USF3: variants seen among roughly 807,000 people sequenced by gnomAD.
USF3 encodes basic helix-loop-helix domain-containing protein USF3.
In USF3, 29 loss-of-function variants were observed where a neutral mutation model predicts 157.5. The ratio of observed to expected loss-of-function variants is 0.18; its 90% CI spans 0.14 to 0.25. The LOEUF is 0.25. Ranked by LOEUF, USF3 falls within the 10% of genes least tolerant of loss-of-function variation. The probability of loss-of-function intolerance (pLI) is 1.00; values close to 1 mark genes in which losing one functional copy is unlikely to be tolerated. For missense variants in USF3, 2,381 were observed against 2,667.6 expected, an observed-to-expected ratio of 0.89 and a Z score of 2.37; for synonymous variants, 893 against 941.4, an observed-to-expected ratio of 0.95 and a Z score of 0.94.
intron 1 of USF3, among the ~76,000 whole-genome samples, chr3:113,693,499 C>G (rs1707733326): frequency 2.0e-5 from 3 of 152,120 alleles, no homozygotes; most frequent in Non-Finnish European, 4.4e-5. Context: ...GAATTCAATG[C>G]TAGTTAAGGT....
rs748718324 is a variant in USF3 at position 113,660,925 on chromosome 3, T to C, written c.757A>G (p.Ser253Gly). Residue 253 changes from serine (S) to glycine (G), a missense_variant, in exon 7 of 7, where the codon AGT becomes GGT. By Grantham distance (56) the Ser-to-Gly change is moderately conservative. This residue lies in a region of USF3 where 1,435 missense variants were observed against 1,550.9 expected (regional missense o/e 0.93). Coordinates refer to ENST00000316407, the MANE Select transcript of USF3 (RefSeq NM_001009899.4). ...ATTGAAACAGCAATCAGTGAGCCAC[T>C]AGTGGCACCAAGCACATTTGATTCG... is the stretch of plus-strand genomic sequence containing the variant. ...ESESNVLGAT[S>G]GSLIAVSIES... The C allele has an allele frequency of 1.0e-4, 168 of 1,614,206 alleles. No homozygotes were observed. In the Admixed American group the frequency reaches 1.1e-3, roughly 10 times the overall value.
rs1361186790 is a variant in USF3, at chr3:113,660,080, C to G, written c.1602G>C (p.Gln534His). 1 of 1,614,190 alleles carries G rather than the reference C, an allele frequency of 6.2e-7. No individual in the cohort carries two copies. ...LPLNSAMQVIQMAQPVGSAVN... is the reference protein window; with the variant it reads ...LPLNSAMQVIHMAQPVGSAVN... The stretch of plus-strand genomic sequence containing the variant: ...CAGCTGACCCAACTGGCTGAGCCAT[C>G]TGAATCACTTGCATTGCTGAATTCA... The change falls in exon 7 of 7, where the codon CAG (glutamine) becomes CAC (histidine). Residue 534 changes from glutamine to histidine, a missense_variant. By Grantham distance (24) the Gln-to-His change is conservative. This residue lies in a region of USF3 where 1,435 missense variants were observed against 1,550.9 expected (regional missense o/e 0.93). Coordinates refer to ENST00000316407, the MANE Select transcript of USF3 (RefSeq NM_001009899.4).
chr3:113,671,953 T>C (rs1707161989), intron 4 of USF3, among the ~76,000 whole-genome samples: 2 of 151,608 alleles, frequency 1.3e-5, no homozygotes, highest in Admixed American at 1.3e-4. Context: ...TTATTACTTG[T>C]AGAGGCGGGG....
intron 5 of USF3, among the ~76,000 whole-genome samples, chr3:113,666,808 G>A (rs1405996877): frequency 2.6e-5 from 4 of 150,990 alleles, no homozygotes; most frequent in Admixed American, 6.6e-5. Context: ...CAGGATGGTC[G>A]TGATCTCCTG....
rs777016546 is a variant in USF3 at position 113,664,294 on chromosome 3, AG to A, written c.256+18del. ...ACATTTTAAAATACAACAAAAAGTA[AG>A]AACTTTTAAATCTTTACCTTGTTCA... On this transcript the variant is annotated intron_variant, in intron 6 of 6. Coordinates refer to ENST00000316407, the MANE Select transcript of USF3 (RefSeq NM_001009899.4). 1 of 1,440,306 alleles carries A rather than the reference AG, an allele frequency of 6.9e-7. No homozygotes were observed. The highest frequency in any genetic ancestry group is 1.2e-5 in the South Asian group (1 of 82,054). 89.2% of individuals were successfully genotyped at this position (1,440,306 alleles called of 1,614,324 possible). A position where few individuals can be genotyped will look rare whatever the true frequency, so the allele number is the denominator to read the frequency against.
intron 1 of USF3, among the ~76,000 whole-genome samples, chr3:113,690,681 T>A (rs972993821): frequency 2.0e-5 from 3 of 152,190 alleles, no homozygotes; most frequent in Non-Finnish European, 4.4e-5. Context: ...TCCACTTTGC[T>A]CTGTTTATCC....
chr3:113,688,053 T>G (rs2107961200), intron 1 of USF3, among the ~76,000 whole-genome samples: 1 of 152,316 alleles, frequency 6.6e-6, no homozygotes, highest in East Asian at 1.9e-4. Context: ...CATGATCACC[T>G]ACCAGTAATG....
chr3:113,666,426 T>C (rs1377565178), intron 5 of USF3, among the ~76,000 whole-genome samples: 7 of 150,342 alleles, frequency 4.7e-5, no homozygotes, highest in Admixed American at 4.6e-4. Flanking sequence ...TAATTTTTTT[T>C]TTTTTTGGTA....
At position 113,658,055 on chromosome 3, in the gene USF3, G is replaced by A. The variant is rs775540128; in HGVS notation, c.3627C>T (p.Pro1209=). 6.2e-6 allele frequency: 10 copies of A among 1,614,068 alleles called. No individual in the cohort carries two copies. In the South Asian group the frequency reaches 8.8e-5, roughly 14 times the overall value. ...CTAGAGAACAACTTGGTTTCTCAAG[G>A]GGCCTCTCCATAGTTGCTTCAATTG... is the stretch of plus-strand genomic sequence containing the variant. The part of the protein sequence containing the change: ...QGSIEATMER[P]LEKPSCSLGI... Residue 1209 remains proline (P), a synonymous_variant, in exon 7 of 7, where the codon CCC becomes CCT. Transcript: ENST00000316407.
At chr3:113,696,176 G>A (rs543490900) in intron 1 of USF3, among the ~76,000 whole-genome samples, 194 bp downstream of exon 1, 1 of 152,214 alleles carries the variant, frequency 6.6e-6, no homozygotes, top group South Asian at 2.1e-4. Context: ...CGCTCGCCGC[G>A]GGCGCTGACG....
rs1187131012 is a variant in USF3 at position 113,681,714 on chromosome 3, T to TA, written c.-134-4318dup. On this transcript the variant is annotated intron_variant, in intron 1 of 6. Coordinates refer to ENST00000316407, the MANE Select transcript of USF3 (RefSeq NM_001009899.4). ...CACACCCAGCAATATTATTTCAATT[T>TA]AAAAAAAAAATTTTTTTTTTTTTGA... is the stretch of plus-strand genomic sequence containing the variant. Among the ~76,000 whole-genome samples, 22 of 149,962 alleles carry TA rather than the reference T, an allele frequency of 1.5e-4. No homozygotes were observed. The East Asian group carries it at 2.3e-3, about 16-fold the overall frequency.
At position 113,660,230 on chromosome 3, in the gene USF3, A is replaced by C. The variant is rs1287678748; in HGVS notation, c.1452T>G (p.Phe484Leu). The C allele has an allele frequency of 6.2e-7, 1 of 1,614,178 alleles. No individual in the cohort carries two copies. The highest frequency in any genetic ancestry group is 8.5e-7 in the Non-Finnish European group (1 of 1,180,026). ...VATDINLNNS[F>L]PADGQPVEQV... ...GCTCAACTGGCTGCCCATCTGCTGG[A>C]AAGGAATTATTCAAGTTGATGTCTG... is the stretch of plus-strand genomic sequence containing the variant. Residue 484 changes from phenylalanine (F) to leucine (L), a missense_variant, in exon 7 of 7, where the codon TTT becomes TTG. Transcript: ENST00000316407.
intron 5 of USF3, among the ~76,000 whole-genome samples, chr3:113,665,765 T>C (rs1947555608): frequency 6.6e-6 from 1 of 152,146 alleles, no homozygotes; most frequent in African/African-American, 2.4e-5. Flanking sequence ...GAGGCAGAGA[T>C]TGCTGTGAAG....
In USF3 at chr3:113,655,701, T is replaced by C. The variant is rs777231835; in HGVS notation, c.5981A>G (p.Glu1994Gly). The C allele has an allele frequency of 2.5e-6, 4 of 1,613,934 alleles. No homozygotes were observed. In the Admixed American group the frequency reaches 6.7e-5, roughly 27 times the overall value. Residue 1994 changes from glutamate (E) to glycine (G), a missense_variant, in exon 7 of 7, where the codon GAA (glutamate) becomes GGA (glycine). Transcript: ENST00000316407. ...CCTTTGGTTTCCAGAACGATTCCTT[T>C]CAGGCTGACGAATTTTGGAACCACT... ...DSSGSKIRQP[E>G]RNRSGNQRQS...
intron 4 of USF3, 30 bp downstream of exon 4, chr3:113,673,318 G>T: frequency 6.5e-7 from 1 of 1,542,114 alleles, no homozygotes; most frequent in Non-Finnish European, 8.9e-7. Context: ...TGCAAAAAAT[G>T]CTAACAGGTA....
In USF3 at chr3:113,654,848, C is replaced by T; in HGVS notation, c.*96G>A. The stretch of plus-strand genomic sequence containing the variant: ...TGAAAACTGATTATACAGACACACA[C>T]ACACAATCCTTCTCTTCATGTACAT... On this transcript the variant is annotated 3_prime_UTR_variant, in exon 7 of 7. Coordinates refer to ENST00000316407, the MANE Select transcript of USF3 (RefSeq NM_001009899.4). 3.7e-6 allele frequency: 5 copies of T among 1,351,004 alleles called. No homozygotes were observed. The East Asian group carries it at 9.4e-5, about 25-fold the overall frequency. The allele number at this position is 1,351,004 out of a possible 1,614,324, so 83.7% of individuals were successfully genotyped here.
At chr3:113,665,480 A>C (rs1026804715) in intron 5 of USF3, among the ~76,000 whole-genome samples, 3 of 152,248 alleles carry the variant, frequency 2.0e-5, no homozygotes, top group Non-Finnish European at 2.9e-5. Context: ...ACGTTATGTT[A>C]AAGTATTCCT....
rs560627601 is a variant in USF3 at position 113,650,416 on chromosome 3, A to G, written c.*4528T>C. On this transcript the variant is annotated 3_prime_UTR_variant, in exon 7 of 7. Coordinates refer to ENST00000316407, the MANE Select transcript of USF3 (RefSeq NM_001009899.4). Reference sequence around the variant, plus strand: ...CTCACTACCACACACTGATCCATACATGGTGGGCCCAATAAATGTTTCAAG... The same window carrying G: ...CTCACTACCACACACTGATCCATACGTGGTGGGCCCAATAAATGTTTCAAG... The G allele has an allele frequency of 6.6e-6, 1 of 152,572 alleles. No individual in the cohort carries two copies. The highest frequency in any genetic ancestry group is 1.9e-4 in the East Asian group (1 of 5,194). The allele number at this position is 152,572 out of a possible 1,614,324, so 9.5% of individuals were successfully genotyped here.
intron 3 of USF3, among the ~76,000 whole-genome samples, chr3:113,674,058 C>A (rs1391379875): frequency 6.6e-6 from 1 of 152,132 alleles, no homozygotes; most frequent in African/African-American, 2.4e-5. Flanking sequence ...CCATGCAATT[C>A]TAAGCAGAAA....
Sources: allele counts gnomAD v4.1 joint callset (sites outside exome capture counted in the v4.1 genomes callset), GRCh38; gene constraint gnomAD v4.1.1; regional missense constraint gnomAD v4.1.1; transcripts MANE v1.5; gene names NCBI Gene and HGNC (gene_info 2026-07-23, HGNC 2026-07-21).